The following CACTIN variants were observed in gnomAD, a reference collection of about 807,000 sequenced individuals.
CACTIN encodes the protein splicing factor Cactin.
Under a neutral mutation model 84.9 loss-of-function variants are expected in CACTIN, and 20 were observed. That is an observed-to-expected ratio of 0.24 (90% CI 0.17 to 0.34). The LOEUF (loss-of-function observed/expected upper bound fraction) is 0.34, where lower values mean the gene tolerates loss of function less well. Ranked by LOEUF, CACTIN falls within the 10% of genes least tolerant of loss-of-function variation. The pLI is 1.00. For synonymous variants in CACTIN, 549 were observed against 467.9 expected (o/e 1.17, Z -2.24); for missense variants, 897 against 1,117.2 (o/e 0.80, Z 2.81).
chr19:3,614,540 C>T lies in CACTIN; in HGVS notation c.1212G>A (p.Ser404=), dbSNP rs60651483. ...VNASVSSDVQ[S]VFKGKTYNQL... is the part of the protein sequence containing the mutation. ...GGTTGTATGTCTTCCCCTTGAACAC[C>T]GACTGCACATCAGAGCTGACGGAGG... The change falls in exon 7 of 10, where the codon TCG becomes TCA. Residue 404 remains serine (S), a synonymous_variant. Transcript: ENST00000429344. The T allele has an allele frequency of 0.055, 88,825 of 1,608,740 alleles. 4,349 individuals carry two copies. Among genetic ancestry groups the T allele is most frequent in the East Asian group, 0.22 (9,976 of 44,568 alleles).
In CACTIN at chr19:3,623,705, T is replaced by C; in HGVS notation, c.625A>G (p.Thr209Ala). Reference protein sequence around the residue: ...NPFGDNNLLGTFIWNKALEKK... With the variant: ...NPFGDNNLLGAFIWNKALEKK... ...GGGCCCACCTTATTCCAGATGAAGG[T>C]GCCCAGCAGGTTGTTGTCTCCGAAG... Residue 209 changes from threonine (T) to alanine (A), a missense_variant, in exon 2 of 10, where the codon ACC (threonine) becomes GCC (alanine). Coordinates refer to ENST00000429344, the MANE Select transcript of CACTIN (RefSeq NM_001080543.2). 2.5e-6 allele frequency: 4 copies of C among 1,609,520 alleles called. No individual in the cohort carries two copies. The highest frequency in any genetic ancestry group is 3.4e-6 in the Non-Finnish European group (4 of 1,177,022).
intron 6 of CACTIN, chr19:3,616,467 G>A (rs535034012): frequency 6.6e-6 from 1 of 152,160 alleles, no homozygotes; most frequent in East Asian, 1.9e-4. Flanking sequence ...AAATTAGCCA[G>A]GTGTGGTGGT....
chr19:3,626,629 C>G lies in CACTIN; in HGVS notation c.134G>C (p.Arg45Pro). The G allele has an allele frequency of 6.5e-7, 1 of 1,531,526 alleles. No homozygotes were observed. Among genetic ancestry groups the G allele is most frequent in the Non-Finnish European group, 8.7e-7 (1 of 1,148,028 alleles). 94.9% of individuals were successfully genotyped at this position (1,531,526 alleles called of 1,614,324 possible). ...CCGGCTCCGCCGCCTCCGTCTGCGC[C>G]GTCCCTCGTCCTCCCGGCGCCGTCG... ...RNRRRREDEG[R>P]RRRRRRSRER... The change falls in exon 1 of 10, where the codon CGG (arginine) becomes CCG (proline). Residue 45 changes from arginine (R) to proline (P), a missense_variant. Arg to Pro is a moderately radical substitution (Grantham distance 103). Around this residue, in one of 8 missense-constraint regions of CACTIN, gnomAD observed 261 missense variants for 243.8 expected, o/e 1.07. Transcript: ENST00000429344.
In CACTIN at chr19:3,612,180, G is replaced by A; in HGVS notation, c.2020C>T (p.Gln674Ter). The A allele has an allele frequency of 6.2e-7, 1 of 1,613,600 alleles. No homozygotes were observed. The highest frequency in any genetic ancestry group is 8.5e-7 in the Non-Finnish European group (1 of 1,179,906). Residue 674 changes from glutamine (Q) to a stop codon, truncating the protein, a stop_gained, in exon 10 of 10, where the codon CAG becomes TAG. Transcript: ENST00000429344. LOFTEE classifies it high-confidence loss of function. ...DFDNPPPKIV[Q>*]GYKFNIFYPD... The stretch of plus-strand genomic sequence containing the variant: ...TAGAAGATGTTGAACTTGTATCCCT[G>A]CACGATCTTGGGCGGTGGGTTGTCA...
intron 2 of CACTIN, among the ~76,000 whole-genome samples, chr19:3,622,467 G>A (rs951277358): frequency 6.6e-6 from 1 of 152,138 alleles, no homozygotes; most frequent in African/African-American, 2.4e-5. Context: ...GTCCTCATGG[G>A]AAGAGGAACA....
rs2033026408 is a variant in CACTIN at position 3,613,503 on chromosome 19, A to C, written c.1439T>G (p.Phe480Cys). 1 of 1,585,938 alleles carries C rather than the reference A, an allele frequency of 6.3e-7. No individual in the cohort carries two copies. The highest frequency in any genetic ancestry group is 1.8e-5 in the Admixed American group (1 of 56,802). The change falls in exon 8 of 10, where the codon TTC becomes TGC. Residue 480 changes from phenylalanine to cysteine, a missense_variant. This residue lies in a region of CACTIN where 243 missense variants were observed against 239.9 expected (regional missense o/e 1.01). Transcript: ENST00000429344. ...CTGGGGCTCCTGCTTGAGGATGGGG[A>C]ACAGCGGCTCGCTCTCCACGCCCTG... Reference protein sequence around the residue: ...QEQGVESEPLFPILKQEPQSP... With the variant: ...QEQGVESEPLCPILKQEPQSP...
At chr19:3,625,486 T>C (rs2033314674) in intron 1 of CACTIN, among the ~76,000 whole-genome samples, 2 of 152,078 alleles carry the variant, frequency 1.3e-5, no homozygotes, top group Non-Finnish European at 2.9e-5. Context: ...TCCCAGCACT[T>C]TGGGAGGCCG....
At chr19:3,614,765 C>T (rs1039589373) in intron 6 of CACTIN, 176 bp from the exon 7 acceptor site, 13 of 622,406 alleles carry the variant, frequency 2.1e-5, no homozygotes, top group African/African-American at 9.1e-5. Flanking sequence ...CTGGCCACAG[C>T]GGAGGGGAGG....
Position 3,623,854 on chromosome 19 carries a change from G to T in CACTIN, c.476C>A (p.Ala159Asp). 2 of 1,610,916 alleles carry T rather than the reference G, an allele frequency of 1.2e-6. No individual in the cohort carries two copies. Among genetic ancestry groups the T allele is most frequent in the South Asian group, 2.2e-5 (2 of 91,078 alleles). ...GCGCTTCTCCTCGGGCGTCTCGAAG[G>T]CCTTCATCAGCTCCTCCTGCTGCTT... ...ERKQQEELMK[A>D]FETPEEKRAR... Residue 159 changes from alanine (A) to aspartate (D), a missense_variant, in exon 2 of 10, where the codon GCC becomes GAC. This residue lies in a region of CACTIN where 261 missense variants were observed against 243.8 expected (regional missense o/e 1.07). Transcript: ENST00000429344.
At chr19:3,616,964 T>A (rs2033117782) in intron 6 of CACTIN, among the ~76,000 whole-genome samples, 1 of 151,118 alleles carries the variant, frequency 6.6e-6, no homozygotes, top group South Asian at 2.1e-4. Flanking sequence ...TCCTTAAAAA[T>A]ACAAAAATTA....
intron 1 of CACTIN, among the ~76,000 whole-genome samples, chr19:3,625,347 TAATTC>T (rs2033312208): frequency 6.6e-6 from 1 of 152,216 alleles, no homozygotes; most frequent in Admixed American, 6.5e-5. Flanking sequence ...TCGTGAACAT[TAATTC>T]TAATTACATA....
At chr19:3,618,635 C>T (rs2033157428) in intron 6 of CACTIN, among the ~76,000 whole-genome samples, 2 of 152,354 alleles carry the variant, frequency 1.3e-5, no homozygotes, top group Admixed American at 6.5e-5. Flanking sequence ...TCAGCGTTAA[C>T]GGGACGCTGG....
At position 3,610,833 on chromosome 19, in the gene CACTIN, T is replaced by C; in HGVS notation, c.*1090A>G. On this transcript the variant is annotated 3_prime_UTR_variant, in exon 10 of 10. Transcript: ENST00000429344. Reference sequence around the variant, plus strand: ...GGGGCTGGTGACTGGTGAGGTTGGGTGGCCCTCTGGGGGTCCGGGAGGCAC... The same window carrying C: ...GGGGCTGGTGACTGGTGAGGTTGGGCGGCCCTCTGGGGGTCCGGGAGGCAC... The C allele has an allele frequency of 2.2e-6, 1 of 456,674 alleles. No homozygotes were observed. Among genetic ancestry groups the C allele is most frequent in the Non-Finnish European group, 4.4e-6 (1 of 226,958 alleles). The allele number at this position is 456,674 out of a possible 1,614,324, so 28.3% of individuals were successfully genotyped here. A position where few individuals can be genotyped will look rare whatever the true frequency, so the allele number is the denominator to read the frequency against.
chr19:3,626,741 G>A lies in CACTIN; in HGVS notation c.22C>T (p.Arg8Cys), dbSNP rs1265763751. 4 of 1,488,272 alleles carry A rather than the reference G, an allele frequency of 2.7e-6. No homozygotes were observed. The highest frequency in any genetic ancestry group is 4.4e-5 in the Admixed American group (2 of 45,936). 92.2% of individuals were successfully genotyped at this position (1,488,272 alleles called of 1,614,324 possible). Residue 8 changes from arginine to cysteine, a missense_variant, in exon 1 of 10, where the codon CGC (arginine) becomes TGC (cysteine). Coordinates refer to ENST00000429344, the MANE Select transcript of CACTIN (RefSeq NM_001080543.2). ...CCCCGGCGACCCGCGGACCGCGAGC[G>A]CGAGCGTGTGTCCCGACCCATCGGC... MGRDTRS[R>C]SRSAGRRGRR... is the part of the protein sequence containing the mutation.
In CACTIN at chr19:3,610,716, GATTT is replaced by G. The variant is rs2032926402; in HGVS notation, c.*1203_*1206del. ...ATAGGCCAATTCCATGAGAACAAAAGATTTTTTTTCCCACCTACAAGTCTTTTTA... is the reference window on the plus strand; with the variant it reads ...ATAGGCCAATTCCATGAGAACAAAAGTTTTTCCCACCTACAAGTCTTTTTA... On this transcript the variant is annotated 3_prime_UTR_variant, in exon 10 of 10. Transcript: ENST00000429344. The G allele has an allele frequency of 4.4e-6, 2 of 456,728 alleles. No individual in the cohort carries two copies. Among genetic ancestry groups the G allele is most frequent in the African/African-American group, 4.0e-5 (2 of 50,072 alleles). 28.3% of individuals were successfully genotyped at this position (456,728 alleles called of 1,614,324 possible). A position where few individuals can be genotyped will look rare whatever the true frequency, so the allele number is the denominator to read the frequency against.
chr19:3,622,377 A>AC (rs2033242551), intron 2 of CACTIN, among the ~76,000 whole-genome samples: 1 of 151,536 alleles, frequency 6.6e-6, no homozygotes, highest in African/African-American at 2.4e-5. Context: ...AAAAAAAAAA[A>AC]AAAAAAAGTG....
Position 3,610,810 on chromosome 19 carries a change from G to C in CACTIN, c.*1113C>G. On this transcript the variant is annotated 3_prime_UTR_variant, in exon 10 of 10. Coordinates refer to ENST00000429344, the MANE Select transcript of CACTIN (RefSeq NM_001080543.2). ...CTGGGAGGGGCTGTGGGTGGTCTGG[G>C]GCTGGTGACTGGTGAGGTTGGGTGG... The C allele has an allele frequency of 4.4e-6, 2 of 456,822 alleles. No individual in the cohort carries two copies. The highest frequency in any genetic ancestry group is 8.8e-6 in the Non-Finnish European group (2 of 226,996). 28.3% of individuals were successfully genotyped at this position (456,822 alleles called of 1,614,324 possible).
At position 3,612,507 on chromosome 19, in the gene CACTIN, C is replaced by T. The variant is rs1020209686; in HGVS notation, c.1787-94G>A. On this transcript the variant is annotated intron_variant, in intron 9 of 9. Coordinates refer to ENST00000429344, the MANE Select transcript of CACTIN (RefSeq NM_001080543.2). The stretch of plus-strand genomic sequence containing the variant: ...CTGGCAGGGGCGGCCGCTGGTGCCT[C>T]CCGCAAAAGGAAAACAGGCTGGGGC... 3 of 1,450,798 alleles carry T rather than the reference C, an allele frequency of 2.1e-6. No individual in the cohort carries two copies. In the African/African-American group the frequency reaches 4.3e-5, roughly 21 times the overall value. 89.9% of individuals were successfully genotyped at this position (1,450,798 alleles called of 1,614,324 possible).
intron 9 of CACTIN, chr19:3,612,652 G>A (rs1050230871): frequency 1.4e-6 from 1 of 723,322 alleles, no homozygotes; most frequent in Non-Finnish European, 2.4e-6. Flanking sequence ...ACCAAGCGCA[G>A]CGCGCTTCCC....
Sources: gnomAD v4.1 joint callset for allele counts (sites outside exome capture counted in the v4.1 genomes callset) on GRCh38, gnomAD v4.1.1 for gene constraint, gnomAD v4.1.1 regional missense constraint, MANE v1.5 for transcripts, NCBI Gene and HGNC (gene_info 2026-07-23, HGNC 2026-07-21) for gene names.